The following MAF variants were observed in gnomAD, a reference collection of about 807,000 sequenced individuals.
MAF encodes the protein transcription factor Maf.
A neutral mutation model predicts 22.0 loss-of-function variants in MAF; 10 were observed. The ratio of observed to expected loss-of-function variants is 0.45; its 90% confidence interval spans 0.28 to 0.77. The LOEUF (loss-of-function observed/expected upper bound fraction) is 0.77, where lower values mean the gene tolerates loss of function less well. Among genes scored for constraint, MAF ranks in the 30% least tolerant of loss-of-function variants. The probability of loss-of-function intolerance (pLI) is 0.12; values close to 1 mark genes in which losing one functional copy is unlikely to be tolerated. For missense variants in MAF, 544 were observed against 548.4 expected (o/e 0.99, Z 0.08); for synonymous variants, 337 against 255.8 (o/e 1.32, Z -3.03).
At chr16:79,491,707 A>AT in the MAF span, among the ~76,000 whole-genome samples, 1 of 152,152 alleles carries the variant, frequency 6.6e-6, no homozygotes. Flanking sequence ...CTGATGAACA[A>AT]TTTTTCTTGA....
At chr16:79,498,125 G>C in the MAF span, among the ~76,000 whole-genome samples, 1 of 152,166 alleles carries the variant, frequency 6.6e-6, no homozygotes, top group African/African-American at 2.4e-5. Context: ...TTAAACCTGA[G>C]GTGTGGTCAG....
the MAF span, among the ~76,000 whole-genome samples, chr16:79,293,469 G>T: frequency 6.6e-6 from 1 of 152,116 alleles, no homozygotes; most frequent in Non-Finnish European, 1.5e-5. Flanking sequence ...TTACATTTTT[G>T]CACATAATAT....
the MAF span, among the ~76,000 whole-genome samples, chr16:79,289,637 C>T: frequency 6.6e-6 from 1 of 152,206 alleles, no homozygotes; most frequent in South Asian, 2.1e-4. Flanking sequence ...ATATGGTTAT[C>T]ATGACAGCTT....
At chr16:79,305,668 C>T in the MAF span, among the ~76,000 whole-genome samples, 20 of 152,148 alleles carry the variant, frequency 1.3e-4, no homozygotes, top group Admixed American at 6.6e-5. Context: ...GATAAGACAT[C>T]GCTTTGAACC....
At chr16:79,273,161 G>A in the MAF span, among the ~76,000 whole-genome samples, 5 of 152,100 alleles carry the variant, frequency 3.3e-5, no homozygotes, top group Non-Finnish European at 7.4e-5. Flanking sequence ...AATCCCCCAC[G>A]ACTGTCTGCT....
the MAF span, among the ~76,000 whole-genome samples, chr16:79,228,978 G>A: frequency 1.3e-5 from 2 of 151,762 alleles, no homozygotes; most frequent in Admixed American, 6.6e-5. Context: ...GGCTTTCATC[G>A]TTAACACACA....
the MAF span, among the ~76,000 whole-genome samples, chr16:79,308,147 C>G: frequency 2.0e-5 from 3 of 152,294 alleles, no homozygotes; most frequent in Admixed American, 2.0e-4. Context: ...CTGACCCAAT[C>G]GATGGAGCTG....
chr16:79,211,608 C>T, the MAF span: 23 of 1,614,158 alleles, frequency 1.4e-5, no homozygotes, highest in Non-Finnish European at 1.9e-5. Flanking sequence ...GGATTTCCAG[C>T]AACAGGGAGC....
chr16:79,291,983 G>A, the MAF span, among the ~76,000 whole-genome samples: 195 of 151,526 alleles, frequency 1.3e-3, 2 homozygotes, highest in African/African-American at 4.6e-3. Flanking sequence ...AAGTGGCATC[G>A]TCCCTCTTTC....
the MAF span, among the ~76,000 whole-genome samples, chr16:79,444,894 A>G: frequency 6.6e-6 from 1 of 152,226 alleles, no homozygotes; most frequent in South Asian, 2.1e-4. Context: ...GGATCAACAT[A>G]TGAGGAAATC....
chr16:79,218,285 T>C, the MAF span, among the ~76,000 whole-genome samples: 1 of 150,500 alleles, frequency 6.6e-6, no homozygotes, highest in Admixed American at 6.6e-5. Context: ...ATTATTTTAA[T>C]GGCTACCTCA....
chr16:79,526,195 C>T, the MAF span, among the ~76,000 whole-genome samples: 1 of 152,118 alleles, frequency 6.6e-6, no homozygotes, highest in Admixed American at 6.5e-5. Flanking sequence ...CACCAGGAGC[C>T]GGTTTTGTGG....
At chr16:79,265,549 T>C in the MAF span, among the ~76,000 whole-genome samples, 1 of 152,222 alleles carries the variant, frequency 6.6e-6, no homozygotes, top group Admixed American at 6.5e-5. Flanking sequence ...ACAGTATATT[T>C]TTCCCTTGAC....
At chr16:79,590,972 C>T (rs534883969), downstream of MAF, among the ~76,000 whole-genome samples, 1 of 152,164 alleles carries the variant, frequency 6.6e-6, no homozygotes, top group South Asian at 2.1e-4. Flanking sequence ...AGAACCAGGG[C>T]AACTATAGGT....
chr16:79,592,363 G>T (rs749368500), downstream of MAF, among the ~76,000 whole-genome samples: 1 of 152,208 alleles, frequency 6.6e-6, no homozygotes, highest in Non-Finnish European at 1.5e-5. Context: ...ATGCTAGACA[G>T]AGCTGGGTTT....
the MAF span, among the ~76,000 whole-genome samples, chr16:79,262,978 G>A: frequency 1.3e-5 from 2 of 152,246 alleles, no homozygotes; most frequent in Non-Finnish European, 2.9e-5. Flanking sequence ...CCCATAGCTC[G>A]TGTCAAACAA....
chr16:79,523,504 A>C, the MAF span, among the ~76,000 whole-genome samples: 1 of 152,240 alleles, frequency 6.6e-6, no homozygotes, highest in Non-Finnish European at 1.5e-5. Flanking sequence ...TAAAATATTT[A>C]CTGCTGAACA....
At chr16:79,400,173 C>T in the MAF span, among the ~76,000 whole-genome samples, 1 of 152,280 alleles carries the variant, frequency 6.6e-6, no homozygotes, top group East Asian at 1.9e-4. Context: ...TCCTACAATA[C>T]ACAGGGCAGA....
the MAF span, among the ~76,000 whole-genome samples, chr16:79,489,614 A>C: frequency 2.0e-5 from 3 of 152,226 alleles, no homozygotes; most frequent in Non-Finnish European, 4.4e-5. Context: ...TCAGACTGAA[A>C]GAAAGTGGTG....
Sources: gnomAD v4.1 joint callset for allele counts (sites outside exome capture counted in the v4.1 genomes callset) on GRCh38, gnomAD v4.1.1 for gene constraint, MANE v1.5 for transcripts, NCBI Gene and HGNC (gene_info 2026-07-23, HGNC 2026-07-21) for gene names.